The following TROAP variants were observed in gnomAD, a reference collection of about 807,000 sequenced individuals.
TROAP encodes the protein tastin.
TROAP carries 62 observed loss-of-function variants against 83.4 expected under a neutral mutation model. That is an observed-to-expected ratio of 0.74 (90% CI 0.61 to 0.92). The LOEUF is 0.92. Ranked by LOEUF, TROAP falls within the 40% of genes least tolerant of loss-of-function variation. TROAP has a pLI of 0.00. For missense variants in TROAP, 876 were observed against 985.1 expected (o/e 0.89, Z 1.48); for synonymous variants, 352 against 386.4 (o/e 0.91, Z 1.04).
In TROAP at chr12:49,330,733, T is replaced by A. The variant is rs1428105492; in HGVS notation, c.1888T>A (p.Ser630Thr). 6.2e-7 allele frequency: 1 copy of A among 1,613,876 alleles called. No individual in the cohort carries two copies. The highest frequency in any genetic ancestry group is 2.2e-5 in the East Asian group (1 of 44,852). Residue 630 changes from serine to threonine, a missense_variant, in exon 13 of 15, where the codon TCT becomes ACT. Transcript: ENST00000257909. ...CCTTCAGCCCAGCACCCAGGGGCAG[T>A]CTGGACCCCCAGGGCCCTGCCCTAG... Reference protein sequence around the residue: ...GPLQPSTQGQSGPPGPCPRVE... With the variant: ...GPLQPSTQGQTGPPGPCPRVE...
Position 49,325,839 on chromosome 12 carries a change from A to G in TROAP, c.588A>G (p.Pro196=). Residue 196 remains proline, a synonymous_variant, in exon 5 of 15, where the codon CCA becomes CCG. Transcript: ENST00000257909. ...RASCFSRLEG[P]GPRGRTLCPQ... ...CCTGCTTCTCTAGGCTGGAGGGACC[A>G]GGACCTCGAGGCCGGACATTGTGCC... 1.9e-6 allele frequency: 3 copies of G among 1,614,088 alleles called. No homozygotes were observed. The highest frequency in any genetic ancestry group is 2.5e-6 in the Non-Finnish European group (3 of 1,180,032).
At position 49,323,947 on chromosome 12, in the gene TROAP, G is replaced by A. The variant is rs141831371; in HGVS notation, c.247G>A (p.Val83Met). 9.9e-6 allele frequency: 16 copies of A among 1,614,062 alleles called. No individual in the cohort carries two copies. In the African/African-American group the frequency reaches 1.5e-4, roughly 15 times the overall value. The part of the protein sequence containing the change: ...RHQAETSQRL[V>M]GISQPRNPLE... ...CCAGGCAGAGACATCACAAAGATTG[G>A]TGGGGATCAGTCAGCCTCGGAACCC... The change falls in exon 3 of 15, where the codon GTG (valine) becomes ATG (methionine). Residue 83 changes from valine (V) to methionine (M), a missense_variant. By Grantham distance (21) the Val-to-Met change is conservative. Around this residue, in one of 3 missense-constraint regions of TROAP, gnomAD observed 689 missense variants for 722.6 expected, o/e 0.95. Transcript: ENST00000257909.
In TROAP at chr12:49,329,659, C is replaced by T. The variant is rs1943549918; in HGVS notation, c.1165-198C>T. On this transcript the variant is annotated intron_variant, in intron 11 of 14. Transcript: ENST00000257909. This position sits in a 1 kb window ranked among gnomAD's most constrained non-coding sequence, Gnocchi z 4.5. Reference sequence around the variant, plus strand: ...TGGGCAACATAGTGAGACCCTGTCTCCACTAAAATTTTAAAAATTAGAAAG... The same window carrying T: ...TGGGCAACATAGTGAGACCCTGTCTTCACTAAAATTTTAAAAATTAGAAAG... 2 of 1,009,566 alleles carry T rather than the reference C, an allele frequency of 2.0e-6. No homozygotes were observed. The highest frequency in any genetic ancestry group is 4.9e-5 in the Admixed American group (2 of 40,526). 62.5% of individuals were successfully genotyped at this position (1,009,566 alleles called of 1,614,324 possible).
In TROAP at chr12:49,323,726, G is replaced by C. The variant is rs986187235; in HGVS notation, c.118G>C (p.Val40Leu). 2.5e-5 allele frequency: 41 copies of C among 1,614,084 alleles called. No homozygotes were observed. Among genetic ancestry groups the C allele is most frequent in the Non-Finnish European group, 3.3e-5 (39 of 1,180,022 alleles). Residue 40 changes from valine (V) to leucine (L), a missense_variant, in exon 2 of 15, where the codon GTG becomes CTG. By Grantham distance (32) the Val-to-Leu change is conservative. Coordinates refer to ENST00000257909, the MANE Select transcript of TROAP (RefSeq NM_005480.4). ...TTTCCCCACTGTTACATCGTGCGCC[G>C]TGGACCAGGAGAACCAAGATCCAAG... The part of the protein sequence containing the change: ...TPFPTVTSCA[V>L]DQENQDPRRW...
Position 49,329,479 on chromosome 12 carries a change from C to G in TROAP, c.1164+25C>G. On this transcript the variant is annotated intron_variant, in intron 11 of 14. Transcript: ENST00000257909. This position sits in a 1 kb window ranked among gnomAD's most constrained non-coding sequence, Gnocchi z 4.5. The stretch of plus-strand genomic sequence containing the variant: ...GGTAAGTATCAGAAGCTTCCCCCTA[C>G]TGAGATCCCTTGCCCTGTGCTGCCA... 4 of 1,593,250 alleles carry G rather than the reference C, an allele frequency of 2.5e-6. No individual in the cohort carries two copies. The highest frequency in any genetic ancestry group is 3.4e-6 in the Non-Finnish European group (4 of 1,169,888).
At chr12:49,325,976 A>C in intron 5 of TROAP, 92 bp downstream of exon 5, 1 of 1,604,398 alleles carries the variant, frequency 6.2e-7, no homozygotes, top group Non-Finnish European at 8.5e-7. Flanking sequence ...CCTCATGATG[A>C]GGCAAGGGAT....
intron 7 of TROAP, 41 bp from the exon 8 acceptor site, chr12:49,327,168 G>A: frequency 6.2e-7 from 1 of 1,608,848 alleles, no homozygotes; most frequent in Non-Finnish European, 8.5e-7. Context: ...AACTTTGGTG[G>A]GTGTTCTAGA....
intron 7 of TROAP, 55 bp from the exon 8 acceptor site, chr12:49,327,154 G>T (rs1943512375): frequency 1.9e-6 from 3 of 1,607,342 alleles, no homozygotes; most frequent in African/African-American, 1.3e-5. Context: ...AGAACACTGT[G>T]CCAAACTTTG....
At position 49,323,752 on chromosome 12, in the gene TROAP, G is replaced by T; in HGVS notation, c.144G>T (p.Arg48Ser). The part of the protein sequence containing the change: ...CAVDQENQDP[R>S]RWVQKPPLNI... Reference sequence around the variant, plus strand: ...TGGACCAGGAGAACCAAGATCCAAGGGTAAGAGGGGCCTAATGGGGGAAGA... The same window carrying T: ...TGGACCAGGAGAACCAAGATCCAAGTGTAAGAGGGGCCTAATGGGGGAAGA... Residue 48 changes from arginine to serine, a missense_variant and splice_region_variant, in exon 2 of 15, where the codon AGG becomes AGT. Around this residue, in one of 3 missense-constraint regions of TROAP, gnomAD observed 689 missense variants for 722.6 expected, o/e 0.95. Transcript: ENST00000257909. 1 of 1,614,100 alleles carries T rather than the reference G, an allele frequency of 6.2e-7. No homozygotes were observed. The highest frequency in any genetic ancestry group is 8.5e-7 in the Non-Finnish European group (1 of 1,180,022).
At position 49,324,354 on chromosome 12, in the gene TROAP, T is replaced by A. The variant is rs147467203; in HGVS notation, c.337+317T>A. The stretch of plus-strand genomic sequence containing the variant: ...AGATCCCATCTCTTTAAAAAATAAA[T>A]AAATAAATAAATAATAAATATCACT... On this transcript the variant is annotated intron_variant, in intron 3 of 14. Coordinates refer to ENST00000257909, the MANE Select transcript of TROAP (RefSeq NM_005480.4). 4.9e-4 allele frequency: 274 copies of A among 554,786 alleles called. No homozygotes were observed. In the East Asian group the frequency reaches 7.5e-3, roughly 15 times the overall value. 34.4% of individuals were successfully genotyped at this position (554,786 alleles called of 1,614,324 possible). A position where few individuals can be genotyped will look rare whatever the true frequency, so the allele number is the denominator to read the frequency against.
rs372177640 is a variant in TROAP at position 49,329,820 on chromosome 12, G to T, written c.1165-37G>T. On this transcript the variant is annotated intron_variant, in intron 11 of 14. Coordinates refer to ENST00000257909, the MANE Select transcript of TROAP (RefSeq NM_005480.4). This position sits in a 1 kb window ranked among gnomAD's most constrained non-coding sequence, Gnocchi z 4.5. The stretch of plus-strand genomic sequence containing the variant: ...TCAGGCTGGTCTTTCTCCTGCCCCA[G>T]CCTGGCTTGCTTGTGTGCCTTGTTC... 1.2e-6 allele frequency: 2 copies of T among 1,607,944 alleles called. No individual in the cohort carries two copies. The highest frequency in any genetic ancestry group is 8.5e-7 in the Non-Finnish European group (1 of 1,176,296).
At chr12:49,326,518 C>A in intron 6 of TROAP, 150 bp from the exon 7 acceptor site, 1 of 972,284 alleles carries the variant, frequency 1.0e-6, no homozygotes. Context: ...CCTCTCTGAG[C>A]TTTGGTTTCT....
chr12:49,324,025 C>T lies in TROAP; in HGVS notation c.325C>T (p.Pro109Ser), dbSNP rs139325898. 35 of 1,613,290 alleles carry T rather than the reference C, an allele frequency of 2.2e-5. No homozygotes were observed. The African/African-American group carries it at 4.4e-4, about 20-fold the overall frequency. ...PRGQNVGPGP[P>S]AQTEAPGTIE... ...GGGTCAAAATGTGGGGCCTGGGCCC[C>T]CTGCCCAGACAGGTACCTGTTGGAG... Residue 109 changes from proline to serine, a missense_variant, in exon 3 of 15, where the codon CCT (proline) becomes TCT (serine). Pro to Ser is a moderately conservative substitution (Grantham distance 74). Around this residue, in one of 3 missense-constraint regions of TROAP, gnomAD observed 689 missense variants for 722.6 expected, o/e 0.95. Transcript: ENST00000257909.
chr12:49,325,434 T>C (rs1943483615), intron 3 of TROAP, 67 bp from the exon 4 acceptor site: 1 of 1,507,782 alleles, frequency 6.6e-7, no homozygotes, highest in Non-Finnish European at 8.9e-7. Context: ...ACCTCAAAGT[T>C]CCTATGCTAG....
Position 49,331,380 on chromosome 12 carries a change from TA to T in TROAP, c.2266del (p.Thr756HisfsTer?). ...PTRVCTNPVATLLEWQDALCF... is the reference protein window; with the variant it reads ...PTRVCTNPVAXLLEWQDALCF... The stretch of plus-strand genomic sequence containing the variant: ...CCCGGGTCTGCACCAACCCTGTGGC[TA>T]CATTACTCGAATGGCAGGATGCCCT... On this transcript the variant is annotated frameshift_variant, in exon 14 of 15. Transcript: ENST00000257909. LOFTEE classifies it high-confidence loss of function. 1 of 1,613,810 alleles carries T rather than the reference TA, an allele frequency of 6.2e-7. No homozygotes were observed. The highest frequency in any genetic ancestry group is 8.5e-7 in the Non-Finnish European group (1 of 1,179,734).
chr12:49,323,687 C>T lies in TROAP; in HGVS notation c.79C>T (p.Gln27Ter). Residue 27 changes from glutamine (Q) to a stop codon, truncating the protein, a stop_gained, in exon 2 of 15, where the codon CAG (glutamine) becomes TAG (stop). Coordinates refer to ENST00000257909, the MANE Select transcript of TROAP (RefSeq NM_005480.4). LOFTEE classifies it high-confidence loss of function. The stretch of plus-strand genomic sequence containing the variant: ...CCCTAGCAAGATTCCGGTACGCTCT[C>T]AGAAACGCACGCCTTTCCCCACTGT... ...PTPSKIPVRS[Q>*]KRTPFPTVTS... The T allele has an allele frequency of 6.2e-7, 1 of 1,614,162 alleles. No homozygotes were observed. The highest frequency in any genetic ancestry group is 8.5e-7 in the Non-Finnish European group (1 of 1,180,032).
In TROAP at chr12:49,325,625, A is replaced by G. The variant is rs1290999461; in HGVS notation, c.462A>G (p.Arg154=). ...QPSLAKRVLV[R]GSQGGTTQRV... ...GTCTGGCTAAAAGAGTACTGGTTCG[A>G]GGAAGTCAGGGAGGCACCACCCAGA... Residue 154 remains arginine, a synonymous_variant, in exon 4 of 15, where the codon CGA becomes CGG. Transcript: ENST00000257909. 6 of 1,613,714 alleles carry G rather than the reference A, an allele frequency of 3.7e-6. No homozygotes were observed. The highest frequency in any genetic ancestry group is 1.6e-4 in the Middle Eastern group (1 of 6,062).
At position 49,331,642 on chromosome 12, in the gene TROAP, G is replaced by T. The variant is rs2230549; in HGVS notation, c.*25G>T. The T allele has an allele frequency of 1.2e-6, 2 of 1,613,746 alleles. No individual in the cohort carries two copies. The highest frequency in any genetic ancestry group is 1.7e-6 in the Non-Finnish European group (2 of 1,179,882). ...ATGAGACAACCACTCCTGCCCTGCCGTACTTCTTCCTTTTAGCCCTTATTT... is the reference window on the plus strand; with the variant it reads ...ATGAGACAACCACTCCTGCCCTGCCTTACTTCTTCCTTTTAGCCCTTATTT... On this transcript the variant is annotated 3_prime_UTR_variant, in exon 15 of 15. Transcript: ENST00000257909.
In TROAP at chr12:49,323,671, G is replaced by A. The variant is rs1802580; in HGVS notation, c.63G>A (p.Lys21=). ...LLRGVSPTPS[K]IPVRSQKRTP... ...GGGGTGTATCTCCTACCCCTAGCAA[G>A]ATTCCGGTACGCTCTCAGAAACGCA... The change falls in exon 2 of 15, where the codon AAG becomes AAA. Residue 21 remains lysine, a synonymous_variant. Transcript: ENST00000257909. 6 of 1,614,156 alleles carry A rather than the reference G, an allele frequency of 3.7e-6. No individual in the cohort carries two copies. The highest frequency in any genetic ancestry group is 5.1e-6 in the Non-Finnish European group (6 of 1,180,028).
Sources: allele counts gnomAD v4.1 joint callset, GRCh38; gene constraint gnomAD v4.1.1; regional missense constraint gnomAD v4.1.1; non-coding constraint Gnocchi (gnomAD v3.1); transcripts MANE v1.5; gene names NCBI Gene and HGNC (gene_info 2026-07-23, HGNC 2026-07-21).